Variants in ASTN2 observed in about 807,000 individuals in gnomAD.
ASTN2 encodes the protein astrotactin-2.
ASTN2 carries 54 observed loss-of-function variants against 139.8 expected under a neutral mutation model. That is an observed-to-expected ratio of 0.39 (90% CI 0.31 to 0.48). ASTN2 has a LOEUF of 0.48. Ranked by LOEUF, ASTN2 falls within the 20% of genes least tolerant of loss-of-function variation. The probability of loss-of-function intolerance (pLI) is 0.95; values close to 1 mark genes in which losing one functional copy is unlikely to be tolerated. For synonymous variants in ASTN2, 756 were observed against 719.5 expected, an observed-to-expected ratio of 1.05 and a Z score of -0.81; for missense variants, 1,565 against 1,725.1, an observed-to-expected ratio of 0.91 and a Z score of 1.64.
intron 22 of ASTN2, among the ~76,000 whole-genome samples, chr9:116,434,201 T>C (rs1847580439): frequency 6.6e-6 from 1 of 152,152 alleles, no homozygotes; most frequent in South Asian, 2.1e-4. Context: ...AATACAATGT[T>C]TAATGTACAC....
At chr9:116,919,581 C>G (rs1179875750) in intron 10 of ASTN2, among the ~76,000 whole-genome samples, 1 of 151,936 alleles carries the variant, frequency 6.6e-6, no homozygotes, top group Non-Finnish European at 1.5e-5. Flanking sequence ...AACAAGGTCC[C>G]TCCTCCTCTG....
chr9:117,134,295 TACACACAC>T (rs3041140), intron 4 of ASTN2, among the ~76,000 whole-genome samples: 7,639 of 73,692 alleles, frequency 0.1, 385 homozygotes, highest in Non-Finnish European at 0.14. Context: ...TATATATATA[TACACACAC>T]ACACACACAC....
chr9:116,432,838 A>G (rs1056541855), intron 22 of ASTN2, among the ~76,000 whole-genome samples: 1 of 152,032 alleles, frequency 6.6e-6, no homozygotes, highest in Non-Finnish European at 1.5e-5. Flanking sequence ...GCTGAGGCAG[A>G]AGAATTGCTT....
chr9:116,988,806 C>A (rs893653384), intron 7 of ASTN2, among the ~76,000 whole-genome samples: 1 of 152,130 alleles, frequency 6.6e-6, no homozygotes, highest in Admixed American at 6.5e-5. Context: ...TAGATGAGAT[C>A]TTGCTATGTG....
At chr9:116,494,289 A>C (rs1427637761) in intron 19 of ASTN2, among the ~76,000 whole-genome samples, 1 of 152,150 alleles carries the variant, frequency 6.6e-6, no homozygotes, top group African/African-American at 2.4e-5. Context: ...TTCATCTGAA[A>C]AGATGATCCT....
At chr9:117,314,012 A>G (rs929426512) in intron 1 of ASTN2, among the ~76,000 whole-genome samples, 2 of 152,156 alleles carry the variant, frequency 1.3e-5, no homozygotes, top group Admixed American at 6.6e-5. Context: ...CAAAAGCATT[A>G]TGTATCTTTT....
chr9:116,554,832 A>G (rs999195530), intron 19 of ASTN2, among the ~76,000 whole-genome samples: 1 of 152,206 alleles, frequency 6.6e-6, no homozygotes, highest in Non-Finnish European at 1.5e-5. Context: ...GAAAGAAGAA[A>G]AGAAAGAAAT....
chr9:116,850,587 G>C (rs1469643905), intron 11 of ASTN2, among the ~76,000 whole-genome samples: 1 of 152,184 alleles, frequency 6.6e-6, no homozygotes, highest in East Asian at 1.9e-4. Context: ...TGGAGACTGA[G>C]ATACCATTTT....
intron 3 of ASTN2, among the ~76,000 whole-genome samples, chr9:117,207,917 A>G (rs1340095845): frequency 6.6e-6 from 1 of 152,252 alleles, no homozygotes; most frequent in Non-Finnish European, 1.5e-5. Context: ...AGCCAATTTA[A>G]CTACATAGAA....
At chr9:117,148,087 G>C (rs770536886) in intron 3 of ASTN2, among the ~76,000 whole-genome samples, 2 of 152,170 alleles carry the variant, frequency 1.3e-5, no homozygotes, top group Non-Finnish European at 2.9e-5. Context: ...CCACCATGGA[G>C]GTTCCAGGGT....
intron 16 of ASTN2, among the ~76,000 whole-genome samples, chr9:116,714,447 T>G (rs1828258265): frequency 6.6e-6 from 1 of 152,202 alleles, no homozygotes; most frequent in African/African-American, 2.4e-5. Flanking sequence ...CTCATGATAA[T>G]AATGAATGAT....
In ASTN2 at chr9:116,935,346, C is replaced by T. The variant is rs114617527; in HGVS notation, c.1889+39862G>A. On this transcript the variant is annotated intron_variant, in intron 10 of 22. Transcript: ENST00000313400. ...TAGCTGTGTGACCTTGGGCAAGTAA[C>T]TTAACCTCTCTGAACCTTATGGTCT... 3.9e-3 allele frequency among the ~76,000 whole-genome samples: 590 copies of T among 152,304 alleles called. 4 individuals are homozygous for T. Among genetic ancestry groups the T allele is most frequent in the African/African-American group, 0.014 (574 of 41,556 alleles).
intron 12 of ASTN2, among the ~76,000 whole-genome samples, chr9:116,812,747 G>A (rs532749684): frequency 2.6e-5 from 4 of 152,160 alleles, no homozygotes; most frequent in Non-Finnish European, 5.9e-5. Context: ...GTGGTGCTGG[G>A]AATCAAAACT....
At chr9:116,811,269 A>T (rs1249087000) in intron 12 of ASTN2, among the ~76,000 whole-genome samples, 1 of 152,046 alleles carries the variant, frequency 6.6e-6, no homozygotes, top group Non-Finnish European at 1.5e-5. Context: ...CTTGCTTCTT[A>T]ATAAATGTCT....
At chr9:116,713,444 T>TGGCACTCTGACTCAGAGCC (rs1588232947) in intron 16 of ASTN2, among the ~76,000 whole-genome samples, 1 of 152,162 alleles carries the variant, frequency 6.6e-6, no homozygotes, top group East Asian at 1.9e-4. Flanking sequence ...GTCTCAGAGC[T>TGGCACTCTGACTCAGAGCC]GGCACTCTGA....
chr9:116,699,056 C>T lies in ASTN2; in HGVS notation c.2806+26715G>A, dbSNP rs1564217612. ...CTCCTCTCTCAGTGGCAATGAACTG[C>T]CAGGGGCTGATTGGTGTGACTGACA... On this transcript the variant is annotated intron_variant, in intron 16 of 22. Transcript: ENST00000313400. The surrounding 1 kb of genome is among the most constrained non-coding windows in gnomAD (Gnocchi z 4.2). 3 of 1,614,062 alleles carry T rather than the reference C, an allele frequency of 1.9e-6. No individual in the cohort carries two copies. Among genetic ancestry groups the T allele is most frequent in the African/African-American group, 1.3e-5 (1 of 74,940 alleles).
In ASTN2 at chr9:116,442,529, T is replaced by C; in HGVS notation, c.3522A>G (p.Thr1174=). The C allele has an allele frequency of 6.2e-7, 1 of 1,614,132 alleles. No individual in the cohort carries two copies. ...TGCTTAGCTCTGAGTGCCTCCCTCG[T>C]GTATCCACAGCATACAGAGTGAACC... ...LYKFTLYAVD[T]RGRHSELSTV... Residue 1174 remains threonine (T), a synonymous_variant, in exon 21 of 23, where the codon ACA becomes ACG. Transcript: ENST00000313400.
At chr9:116,922,301 G>T (rs1834635141) in intron 10 of ASTN2, among the ~76,000 whole-genome samples, 1 of 152,118 alleles carries the variant, frequency 6.6e-6, no homozygotes, top group African/African-American at 2.4e-5. Flanking sequence ...GCTTTTCAAG[G>T]AAGGCCCTGT....
chr9:117,026,109 C>T (rs1564390813), intron 6 of ASTN2, among the ~76,000 whole-genome samples: 1 of 148,882 alleles, frequency 6.7e-6, no homozygotes, highest in Non-Finnish European at 1.5e-5. Flanking sequence ...TCTTTTCTTT[C>T]TTTTTTTTTT....
Sources: gnomAD v4.1 joint callset for allele counts (sites outside exome capture counted in the v4.1 genomes callset) on GRCh38, gnomAD v4.1.1 for gene constraint, Gnocchi (gnomAD v3.1) non-coding constraint, MANE v1.5 for transcripts, NCBI Gene and HGNC (gene_info 2026-07-23, HGNC 2026-07-21) for gene names.